Variants in C2CD2 observed in about 807,000 individuals in gnomAD.
C2CD2 encodes the protein C2 domain-containing protein 2.
A neutral mutation model predicts 74.3 loss-of-function variants in C2CD2; 43 were observed. The observed-to-expected ratio is 0.58, with a 90% CI of 0.45 to 0.75. The LOEUF (loss-of-function observed/expected upper bound fraction) is 0.75. C2CD2 is among the 30% of genes least tolerant of loss of function. C2CD2 has a pLI of 0.00. For synonymous variants in C2CD2, 422 were observed against 390.7 expected (o/e 1.08, Z -0.94); for missense variants, 801 against 916.3 (o/e 0.87, Z 1.63).
At chr21:41,915,109 G>A (rs2065074042) in intron 5 of C2CD2, among the ~76,000 whole-genome samples, 1 of 152,216 alleles carries the variant, frequency 6.6e-6, no homozygotes, top group Non-Finnish European at 1.5e-5. Context: ...CTGGCTGCGG[G>A]CACTCATGGC....
rs762931823 is a variant in C2CD2, at chr21:41,901,685, A to T, written c.1497T>A (p.Ser499=). ...GTGGCGACTTGAGTTTCAGCTTTGA[A>T]GATTCACTGAGCTGTCGAATGGCCA... is the stretch of plus-strand genomic sequence containing the variant. ...AEVAIRQLSE[S]SKLKLKSPRK... is the part of the protein sequence containing the mutation. Residue 499 remains serine (S), a synonymous_variant, in exon 12 of 14, where the codon TCT becomes TCA. Coordinates refer to ENST00000380486, the MANE Select transcript of C2CD2 (RefSeq NM_015500.2). The T allele has an allele frequency of 1.9e-6, 3 of 1,613,928 alleles. No homozygotes were observed. The highest frequency in any genetic ancestry group is 2.5e-6 in the Non-Finnish European group (3 of 1,179,880).
chr21:41,928,239 C>G (rs962621589), intron 2 of C2CD2, among the ~76,000 whole-genome samples: 1 of 152,188 alleles, frequency 6.6e-6, no homozygotes, highest in South Asian at 2.1e-4. Context: ...GACCAACCGA[C>G]GAAACCTCGG....
chr21:41,914,533 G>GC, intron 6 of C2CD2, 65 bp downstream of exon 6: 2 of 1,487,414 alleles, frequency 1.3e-6, no homozygotes, highest in Non-Finnish European at 1.8e-6. Flanking sequence ...GCCCCCCGGA[G>GC]CCCCCGACTC....
At chr21:41,938,144 T>C (rs2065323906) in intron 2 of C2CD2, among the ~76,000 whole-genome samples, 1 of 151,600 alleles carries the variant, frequency 6.6e-6, no homozygotes, top group Non-Finnish European at 1.5e-5. Context: ...CATCTGTATG[T>C]TAGATTTAGC....
At chr21:41,898,966 G>C (rs767791077) in intron 13 of C2CD2, 87 bp downstream of exon 13, 1 of 991,554 alleles carries the variant, frequency 1.0e-6, no homozygotes, top group Non-Finnish European at 1.6e-6. Context: ...CAAAGGGAAG[G>C]AAGGCAGATG....
intron 11 of C2CD2, 83 bp from the exon 12 acceptor site, chr21:41,901,832 G>A (rs879486574): frequency 8.2e-5 from 100 of 1,216,000 alleles, no homozygotes; most frequent in Non-Finnish European, 1.0e-4. Context: ...GGAAATGGTC[G>A]ATAAGCAATG....
chr21:41,952,256 T>G (rs543863162), intron 1 of C2CD2, among the ~76,000 whole-genome samples: 41 of 152,320 alleles, frequency 2.7e-4, no homozygotes, highest in African/African-American at 8.7e-4. Flanking sequence ...CAAGGTCTCT[T>G]GATTTGTTGG....
rs189830192 is a variant in C2CD2 at position 41,895,884 on chromosome 21, C to T, written c.1870+3169G>A. Among the ~76,000 whole-genome samples, 5 of 152,272 alleles carry T rather than the reference C, an allele frequency of 3.3e-5. No individual in the cohort carries two copies. The highest frequency in any genetic ancestry group is 2.0e-4 in the Admixed American group (3 of 15,296). On this transcript the variant is annotated intron_variant, in intron 13 of 13. Transcript: ENST00000380486. The surrounding 1 kb of genome is among the most constrained non-coding windows in gnomAD (Gnocchi z 5.0). ...TCCCAAGAACAGCATCGGATTTCAA[C>T]TGGAACCACAGATGGTCCGTTGATA...
chr21:41,917,580 A>C (rs1195573023), intron 5 of C2CD2, among the ~76,000 whole-genome samples: 1 of 152,128 alleles, frequency 6.6e-6, no homozygotes, highest in Non-Finnish European at 1.5e-5. Context: ...GTAGCGCCCT[A>C]ATCAGATGGA....
intron 1 of C2CD2, among the ~76,000 whole-genome samples, chr21:41,952,164 G>T (rs2065455330): frequency 1.3e-5 from 2 of 152,220 alleles, no homozygotes; most frequent in Non-Finnish European, 2.9e-5. Flanking sequence ...CTGGGCACCA[G>T]GACAAAAGTC....
Position 41,945,420 on chromosome 21 carries a change from G to C in C2CD2, c.280-3175C>G, listed in dbSNP as rs917896561. On this transcript the variant is annotated intron_variant, in intron 1 of 13. Transcript: ENST00000380486. This position sits in a 1 kb window ranked among gnomAD's most constrained non-coding sequence, Gnocchi z 4.2. ...AACACTTCTCCAATAAAAGGAATCA[G>C]GGCTGCTTGAAGAAGTGGCTGAATC... is the stretch of plus-strand genomic sequence containing the variant. Among the ~76,000 whole-genome samples the C allele has an allele frequency of 1.1e-4, 16 of 152,168 alleles. No individual in the cohort carries two copies. The Middle Eastern group carries it at 0.014, about 129-fold the overall frequency.
chr21:41,931,107 G>A (rs932268631), intron 2 of C2CD2, among the ~76,000 whole-genome samples: 3 of 150,638 alleles, frequency 2.0e-5, no homozygotes, highest in Non-Finnish European at 3.0e-5. Flanking sequence ...AAATGCACTC[G>A]GTGCATGTTG....
chr21:41,925,690 G>A lies in C2CD2; in HGVS notation c.379-3605C>T, dbSNP rs2065203391. 2.0e-5 allele frequency among the ~76,000 whole-genome samples: 3 copies of A among 152,222 alleles called. No individual in the cohort carries two copies. In the South Asian group the frequency reaches 6.2e-4, roughly 32 times the overall value. ...GTATTAAGGTGTTATCCACAATGGGGATTAAATTCTCCCAACCCATGCCAA... is the reference window on the plus strand; with the variant it reads ...GTATTAAGGTGTTATCCACAATGGGAATTAAATTCTCCCAACCCATGCCAA... On this transcript the variant is annotated intron_variant, in intron 2 of 13. Coordinates refer to ENST00000380486, the MANE Select transcript of C2CD2 (RefSeq NM_015500.2).
At chr21:41,941,182 C>T (rs2065351367) in intron 2 of C2CD2, among the ~76,000 whole-genome samples, 1 of 151,888 alleles carries the variant, frequency 6.6e-6, no homozygotes, top group Non-Finnish European at 1.5e-5. Context: ...TAGCAAGACC[C>T]CATCTCTGCA....
intron 13 of C2CD2, among the ~76,000 whole-genome samples, chr21:41,896,898 T>G (rs1275008329): frequency 6.6e-6 from 1 of 152,088 alleles, no homozygotes; most frequent in African/African-American, 2.4e-5. Flanking sequence ...AAGGAAACAT[T>G]TAAAACTGCT....
At chr21:41,933,220 T>G (rs2146215124) in intron 2 of C2CD2, among the ~76,000 whole-genome samples, 1 of 150,154 alleles carries the variant, frequency 6.7e-6, no homozygotes, top group East Asian at 1.9e-4. Flanking sequence ...CTGTTTCTTT[T>G]CTACCTCTTA....
intron 13 of C2CD2, among the ~76,000 whole-genome samples, chr21:41,897,902 G>A (rs1036982324): frequency 1.3e-5 from 2 of 152,308 alleles, no homozygotes; most frequent in African/African-American, 2.4e-5. Context: ...ACGGCAGGGC[G>A]CTGAGTGGCA....
chr21:41,921,182 A>G (rs924508877), intron 3 of C2CD2, among the ~76,000 whole-genome samples: 1 of 152,256 alleles, frequency 6.6e-6, no homozygotes, highest in Non-Finnish European at 1.5e-5. Flanking sequence ...GGAATTCTGC[A>G]TGACTTGAGC....
At chr21:41,901,799 C>T in intron 11 of C2CD2, 50 bp from the exon 12 acceptor site, 1 of 1,547,594 alleles carries the variant, frequency 6.5e-7, no homozygotes, top group Non-Finnish European at 8.9e-7. Flanking sequence ...TTAAAGACTT[C>T]CATGGGAACT....
Sources: allele counts gnomAD v4.1 joint callset (sites outside exome capture counted in the v4.1 genomes callset), GRCh38; gene constraint gnomAD v4.1.1; non-coding constraint Gnocchi (gnomAD v3.1); transcripts MANE v1.5; gene names NCBI Gene and HGNC (gene_info 2026-07-23, HGNC 2026-07-21).